Variants in ABCC9 observed in about 807,000 individuals in gnomAD.
ABCC9 encodes the protein ATP-binding cassette sub-family C member 9.
In ABCC9, 95 loss-of-function variants were observed where a neutral mutation model predicts 188.3. The observed-to-expected ratio is 0.50, with a 90% confidence interval of 0.43 to 0.60. The LOEUF (loss-of-function observed/expected upper bound fraction) is 0.60. Ranked by LOEUF, ABCC9 falls within the 20% of genes least tolerant of loss-of-function variation. ABCC9 has a pLI of 0.00. For missense variants in ABCC9, 1,102 were observed against 1,876.3 expected (o/e 0.59, Z 7.62); for synonymous variants, 659 against 652.7 (o/e 1.01, Z -0.15).
At chr12:21,840,227 G>A (rs1944312086) in intron 29 of ABCC9, among the ~76,000 whole-genome samples, 1 of 152,108 alleles carries the variant, frequency 6.6e-6, no homozygotes, top group South Asian at 2.1e-4. Flanking sequence ...TCTCTTTAGT[G>A]TATACAAAAA....
chr12:21,834,998 C>T (rs369400645), intron 30 of ABCC9, among the ~76,000 whole-genome samples: 13 of 152,022 alleles, frequency 8.6e-5, no homozygotes, highest in African/African-American at 2.7e-4. Flanking sequence ...TTGGATTTGA[C>T]GGCATCAGGC....
intron 4 of ABCC9, among the ~76,000 whole-genome samples, chr12:21,926,808 A>G (rs931235956): frequency 6.6e-6 from 1 of 152,186 alleles, no homozygotes; most frequent in Non-Finnish European, 1.5e-5. Context: ...TGCAAGGAGA[A>G]TAGACTTCAC....
chr12:21,916,855 A>G, intron 6 of ABCC9, 82 bp downstream of exon 6: 1 of 1,289,610 alleles, frequency 7.8e-7, no homozygotes, highest in Non-Finnish European at 1.1e-6. Context: ...CCTTGTCAAT[A>G]CTAATGATTT....
chr12:21,872,604 G>A, intron 18 of ABCC9, 21 bp downstream of exon 18: 1 of 1,559,518 alleles, frequency 6.4e-7, no homozygotes, highest in Non-Finnish European at 8.8e-7. Flanking sequence ...AGCAATGGAA[G>A]CCAACTAAAA....
intron 31 of ABCC9, among the ~76,000 whole-genome samples, chr12:21,824,977 A>G (rs1943282328): frequency 6.6e-6 from 1 of 151,962 alleles, no homozygotes; most frequent in South Asian, 2.1e-4. Context: ...TTTTCAAAAA[A>G]CCAGCTTCTG....
At chr12:21,860,302 A>G (rs2137500500) in intron 21 of ABCC9, among the ~76,000 whole-genome samples, 1 of 152,334 alleles carries the variant, frequency 6.6e-6, no homozygotes. Flanking sequence ...ATTAAGAACA[A>G]AGGCCACAGA....
In ABCC9 at chr12:21,817,133, A is replaced by G. The variant is rs567102845; in HGVS notation, c.3892+54T>C. On this transcript the variant is annotated intron_variant, in intron 33 of 39. Coordinates refer to ENST00000261200, the MANE Select transcript of ABCC9 (RefSeq NM_020297.4). ...AACAACAATGTGCCCAACAAACACT[A>G]ATATTTGTTTAAAATAAATATTTAA... The G allele has an allele frequency of 3.8e-6, 6 of 1,581,266 alleles. No individual in the cohort carries two copies. The African/African-American group carries it at 5.4e-5, about 14-fold the overall frequency.
At chr12:21,839,734 G>A (rs964831934) in intron 29 of ABCC9, among the ~76,000 whole-genome samples, 1 of 152,090 alleles carries the variant, frequency 6.6e-6, no homozygotes, top group South Asian at 2.1e-4. Flanking sequence ...TCAACTGAAC[G>A]GATGAACATG....
chr12:21,828,344 C>T (rs1943513726), intron 31 of ABCC9: 1 of 154,722 alleles, frequency 6.5e-6, no homozygotes, highest in African/African-American at 2.4e-5. Flanking sequence ...AATGCATTTG[C>T]CAATCAGTGT....
At chr12:21,849,920 A>C (rs1944872686) in intron 24 of ABCC9, among the ~76,000 whole-genome samples, 1 of 151,990 alleles carries the variant, frequency 6.6e-6, no homozygotes, top group Non-Finnish European at 1.5e-5. Flanking sequence ...TGTAGTTTTC[A>C]TTACTATCTA....
chr12:21,934,408 A>G (rs1467110324), intron 3 of ABCC9, among the ~76,000 whole-genome samples: 1 of 152,106 alleles, frequency 6.6e-6, no homozygotes, highest in African/African-American at 2.4e-5. Context: ...AAAAATTGTT[A>G]TGTATGACTA....
intron 19 of ABCC9, 145 bp from the exon 20 acceptor site, chr12:21,863,199 AG>A: frequency 1.6e-6 from 1 of 629,258 alleles, no homozygotes. Context: ...AAAAATTTAA[AG>A]ACCACCAACC....
At chr12:21,886,927 CCTT>C (rs1272183028) in intron 15 of ABCC9, among the ~76,000 whole-genome samples, 1 of 152,114 alleles carries the variant, frequency 6.6e-6, no homozygotes, top group African/African-American at 2.4e-5. Context: ...TCCAGAAGGG[CCTT>C]CTTGGAAATG....
At chr12:21,927,225 T>C (rs532065007) in intron 4 of ABCC9, among the ~76,000 whole-genome samples, 38 of 152,360 alleles carry the variant, frequency 2.5e-4, no homozygotes, top group African/African-American at 9.1e-4. Flanking sequence ...GAAGGCTTTG[T>C]ATGCCATGGT....
chr12:21,911,205 A>T (rs1040258212), intron 8 of ABCC9, among the ~76,000 whole-genome samples: 1 of 151,974 alleles, frequency 6.6e-6, no homozygotes, highest in African/African-American at 2.4e-5. Context: ...ATTTATTTTT[A>T]AAAAATTAGA....
At chr12:21,927,563 G>C (rs1199950064) in intron 4 of ABCC9, among the ~76,000 whole-genome samples, 1 of 152,184 alleles carries the variant, frequency 6.6e-6, no homozygotes, top group Non-Finnish European at 1.5e-5. Context: ...CAATAGAGAA[G>C]TAGAAGATAA....
intron 14 of ABCC9, among the ~76,000 whole-genome samples, chr12:21,892,451 T>C (rs1334831332): frequency 6.6e-6 from 1 of 152,142 alleles, no homozygotes; most frequent in Non-Finnish European, 1.5e-5. Context: ...AGGACCAAAA[T>C]AGCAGACTCT....
intron 9 of ABCC9, 61 bp from the exon 10 acceptor site, chr12:21,910,373 T>A: frequency 6.9e-7 from 1 of 1,441,688 alleles, no homozygotes; most frequent in Non-Finnish European, 9.4e-7. Flanking sequence ...ACTATGATTA[T>A]TTTCACTGAA....
chr12:21,847,717 T>C (rs181023920), intron 25 of ABCC9, among the ~76,000 whole-genome samples: 77 of 152,262 alleles, frequency 5.1e-4, no homozygotes, highest in Middle Eastern at 6.8e-3. Flanking sequence ...CATGGCTATA[T>C]TGTCATGAAA....
Sources: gnomAD v4.1 joint callset for allele counts (sites outside exome capture counted in the v4.1 genomes callset) on GRCh38, gnomAD v4.1.1 for gene constraint, MANE v1.5 for transcripts, NCBI Gene and HGNC (gene_info 2026-07-23, HGNC 2026-07-21) for gene names.